FRYL: variants seen among roughly 807,000 people sequenced by gnomAD.
The protein encoded by FRYL is protein furry homolog-like.
A neutral mutation model predicts 351.2 loss-of-function variants in FRYL; 150 were observed. That is an observed-to-expected ratio of 0.43 (90% CI 0.37 to 0.49). FRYL has a LOEUF of 0.49. Ranked by LOEUF, FRYL falls within the 20% of genes least tolerant of loss-of-function variation. The pLI is 0.00. For missense variants in FRYL, 3,036 were observed against 3,619.3 expected (o/e 0.84, Z 4.13); for synonymous variants, 1,153 against 1,257.1 (o/e 0.92, Z 1.75).
In FRYL at chr4:48,635,821, C is replaced by A. The variant is rs560759174; in HGVS notation, c.-80-1331G>T. 3.3e-4 allele frequency among the ~76,000 whole-genome samples: 50 copies of A among 152,280 alleles called. 1 individual carries two copies. The South Asian group carries it at 3.5e-3, about 11-fold the overall frequency. ...CTGAACTCCAGAGACTGCCCTTGAA[C>A]CCCTTCCTTGAAAGAGGAAGCAGAA... On this transcript the variant is annotated intron_variant, in intron 3 of 63. Transcript: ENST00000358350.
chr4:48,735,994 A>G (rs1165452792), intron 1 of FRYL, among the ~76,000 whole-genome samples: 4 of 129,990 alleles, frequency 3.1e-5, no homozygotes, highest in African/African-American at 1.1e-4. Context: ...AAAAAAAAAA[A>G]AGAATAAAAA....
intron 53 of FRYL, among the ~76,000 whole-genome samples, chr4:48,525,757 A>AT (rs897161354): frequency 1.3e-4 from 20 of 151,674 alleles, no homozygotes; most frequent in African/African-American, 4.9e-4. Flanking sequence ...GAGTTGATGG[A>AT]TGTGTATGAT....
chr4:48,727,689 C>T (rs554503984), intron 1 of FRYL, among the ~76,000 whole-genome samples: 20 of 152,246 alleles, frequency 1.3e-4, no homozygotes, highest in African/African-American at 4.8e-4. Context: ...TGAAATGCAC[C>T]ACAACATTCT....
chr4:48,642,677 C>G (rs1179710653), intron 3 of FRYL, among the ~76,000 whole-genome samples: 1 of 152,076 alleles, frequency 6.6e-6, no homozygotes, highest in South Asian at 2.1e-4. Context: ...AGAAATATCA[C>G]TTATTATAAA....
intron 2 of FRYL, among the ~76,000 whole-genome samples, chr4:48,693,636 A>G: frequency 6.6e-6 from 1 of 151,882 alleles, no homozygotes; most frequent in African/African-American, 2.4e-5. Flanking sequence ...AAAAAAAAAA[A>G]GACCAAAAAT....
At position 48,499,003 on chromosome 4, in the gene FRYL, A is replaced by C; in HGVS notation, c.*419T>G. On this transcript the variant is annotated 3_prime_UTR_variant, in exon 64 of 64. Coordinates refer to ENST00000358350, the MANE Select transcript of FRYL (RefSeq NM_015030.2). ...TTAGGTTTTCAACTGCTAGAAATCC[A>C]AGCAGCTTTGCAGGTCTTCAGCTAA... The C allele has an allele frequency of 5.5e-6, 1 of 180,916 alleles. No homozygotes were observed. Among genetic ancestry groups the C allele is most frequent in the Non-Finnish European group, 1.2e-5 (1 of 85,412 alleles). The allele number at this position is 180,916 out of a possible 1,614,324, so 11.2% of individuals were successfully genotyped here. A position where few individuals can be genotyped will look rare whatever the true frequency, so the allele number is the denominator to read the frequency against.
chr4:48,633,550 T>C (rs1753663128), intron 4 of FRYL, among the ~76,000 whole-genome samples: 1 of 152,186 alleles, frequency 6.6e-6, no homozygotes, highest in South Asian at 2.1e-4. Context: ...TTATCCACCT[T>C]TTCTACCCAA....
At chr4:48,653,699 G>A in intron 3 of FRYL, 1 of 1,279,754 alleles carries the variant, frequency 7.8e-7, no homozygotes, top group Non-Finnish European at 1.0e-6. Flanking sequence ...TTTTCATGTA[G>A]GAATATATAC....
chr4:48,678,582 T>G (rs1280250317), intron 3 of FRYL, among the ~76,000 whole-genome samples: 1 of 151,382 alleles, frequency 6.6e-6, no homozygotes, highest in Non-Finnish European at 1.5e-5. Context: ...AGCCAGACAC[T>G]TTAAAACCAA....
Position 48,510,977 on chromosome 4 carries a change from T to C in FRYL, c.8153A>G (p.Gln2718Arg), listed in dbSNP as rs1284585373. Residue 2718 changes from glutamine (Q) to arginine (R), a missense_variant, in exon 58 of 64, where the codon CAA (glutamine) becomes CGA (arginine). This residue lies in a region of FRYL where 1,987 missense variants were observed against 2,311.7 expected (regional missense o/e 0.86). Transcript: ENST00000358350. ...ATTAGTTATTTCTCCAAACTTTCTT[T>C]GAATTGTCTATGGAGAAAAGCAGAA... is the stretch of plus-strand genomic sequence containing the variant. ...HVFSRLFQTI[Q>R]RKFGEITNEA... is the part of the protein sequence containing the mutation. 5.0e-6 allele frequency: 8 copies of C among 1,610,996 alleles called. No homozygotes were observed. In the Admixed American group the frequency reaches 1.2e-4, roughly 24 times the overall value.
chr4:48,674,677 C>G (rs1392345465), intron 3 of FRYL, among the ~76,000 whole-genome samples: 1 of 133,002 alleles, frequency 7.5e-6, no homozygotes, highest in Non-Finnish European at 1.5e-5. Flanking sequence ...GCGGAGCTTG[C>G]AGTGAGCCAA....
chr4:48,645,121 ATT>A (rs1451673945), intron 3 of FRYL, among the ~76,000 whole-genome samples: 2 of 18,000 alleles, frequency 1.1e-4, no homozygotes, highest in Non-Finnish European at 2.3e-4. Flanking sequence ...GTGAGCTTTC[ATT>A]TTATATATAT....
chr4:48,773,139 C>T (rs1296471544), intron 1 of FRYL, among the ~76,000 whole-genome samples: 1 of 152,158 alleles, frequency 6.6e-6, no homozygotes, highest in East Asian at 1.9e-4. Context: ...ACTGCATCCT[C>T]CTACCTTAAA....
At chr4:48,722,838 C>T (rs193052430) in intron 1 of FRYL, among the ~76,000 whole-genome samples, 2 of 152,160 alleles carry the variant, frequency 1.3e-5, no homozygotes, top group Non-Finnish European at 2.9e-5. Flanking sequence ...TCATGATACA[C>T]AATAAGACTA....
chr4:48,595,541 A>G, intron 15 of FRYL, 49 bp downstream of exon 15: 1 of 1,072,660 alleles, frequency 9.3e-7, no homozygotes, highest in South Asian at 1.6e-5. Context: ...ATTACAATAG[A>G]TTACTCTAAC....
chr4:48,672,915 G>A (rs1313050832), intron 3 of FRYL, among the ~76,000 whole-genome samples: 1 of 152,178 alleles, frequency 6.6e-6, no homozygotes, highest in Non-Finnish European at 1.5e-5. Flanking sequence ...ACAAAAATCT[G>A]CTAATCTGGA....
chr4:48,542,250 A>C, intron 44 of FRYL, 129 bp from the exon 45 acceptor site: 1 of 676,182 alleles, frequency 1.5e-6, no homozygotes, highest in Non-Finnish European at 2.6e-6. Flanking sequence ...CTCTTGAGCA[A>C]CATGATCTTG....
intron 35 of FRYL, among the ~76,000 whole-genome samples, chr4:48,555,412 T>C (rs1733855548): frequency 1.3e-5 from 2 of 152,194 alleles, no homozygotes; most frequent in African/African-American, 4.8e-5. Flanking sequence ...TGGTGATGAT[T>C]AAGTGCCAGA....
Position 48,779,880 on chromosome 4 carries a change from G to A in FRYL, c.-384+198C>T, listed in dbSNP as rs368045266. ...CCGCGGTTTGGTGTCCGTTACGAGC[G>A]CCGGCCCGGGCCGCGCCGCGCCGCT... is the stretch of plus-strand genomic sequence containing the variant. On this transcript the variant is annotated intron_variant, in intron 1 of 63. Coordinates refer to ENST00000358350, the MANE Select transcript of FRYL (RefSeq NM_015030.2). Among the ~76,000 whole-genome samples the A allele has an allele frequency of 3.8e-4, 58 of 151,610 alleles. 1 individual carries two copies. In the East Asian group the frequency reaches 0.011, roughly 28 times the overall value.
Sources: allele counts gnomAD v4.1 joint callset (sites outside exome capture counted in the v4.1 genomes callset), GRCh38; gene constraint gnomAD v4.1.1; regional missense constraint gnomAD v4.1.1; transcripts MANE v1.5; gene names NCBI Gene and HGNC (gene_info 2026-07-23, HGNC 2026-07-21).